Variants in CLVS1 observed in about 807,000 individuals in gnomAD.
The protein encoded by CLVS1 is clavesin-1.
CLVS1 carries 10 observed loss-of-function variants against 33.1 expected under a neutral mutation model. The ratio of observed to expected loss-of-function variants is 0.30; its 90% CI spans 0.19 to 0.51. The LOEUF (loss-of-function observed/expected upper bound fraction) is 0.51, where lower values mean the gene tolerates loss of function less well. Among genes scored for constraint, CLVS1 ranks in the 20% least tolerant of loss-of-function variants. CLVS1 has a pLI of 0.97. For synonymous variants in CLVS1, 163 were observed against 166.1 expected, an observed-to-expected ratio of 0.98 and a Z score of 0.14; for missense variants, 343 against 433.4, an observed-to-expected ratio of 0.79 and a Z score of 1.85.
chr8:61,368,732 G>A (rs1261143093), intron 2 of CLVS1, among the ~76,000 whole-genome samples: 2 of 152,162 alleles, frequency 1.3e-5, no homozygotes, highest in Non-Finnish European at 2.9e-5. Context: ...AACTCCACCT[G>A]TGTGTTATCA....
chr8:61,313,368 A>G (rs547326823), intron 2 of CLVS1, among the ~76,000 whole-genome samples: 1 of 152,302 alleles, frequency 6.6e-6, no homozygotes, highest in South Asian at 2.1e-4. Context: ...GGACCCACAT[A>G]GTGACAGTTG....
At chr8:61,194,843 T>A (rs1187972275) in intron 2 of CLVS1, among the ~76,000 whole-genome samples, 1 of 151,850 alleles carries the variant, frequency 6.6e-6, no homozygotes, top group Non-Finnish European at 1.5e-5. Context: ...AATTTATAAA[T>A]TTCAAATACT....
chr8:61,246,814 AT>A (rs1808820616), intron 2 of CLVS1, among the ~76,000 whole-genome samples: 2 of 151,996 alleles, frequency 1.3e-5, no homozygotes, highest in South Asian at 2.1e-4. Flanking sequence ...TTTTAAAAAA[AT>A]TTATTTTAGG....
chr8:61,371,110 C>G (rs916431830), intron 2 of CLVS1, among the ~76,000 whole-genome samples: 1 of 152,156 alleles, frequency 6.6e-6, no homozygotes, highest in African/African-American at 2.4e-5. Flanking sequence ...TACATTCCCA[C>G]CAGCAGTGTA....
intron 2 of CLVS1, among the ~76,000 whole-genome samples, chr8:61,194,959 C>A (rs898317218): frequency 6.6e-6 from 1 of 151,720 alleles, no homozygotes; most frequent in African/African-American, 2.4e-5. Context: ...TTAAAATACA[C>A]TTCAACTGAC....
chr8:61,306,059 T>C (rs561031748), intron 2 of CLVS1, among the ~76,000 whole-genome samples: 50 of 152,298 alleles, frequency 3.3e-4, no homozygotes, highest in African/African-American at 1.2e-3. Flanking sequence ...TATCCAGTAA[T>C]AGGATTACTG....
At chr8:61,082,901 G>A (rs540338278) in intron 1 of CLVS1, among the ~76,000 whole-genome samples, 7 of 152,036 alleles carry the variant, frequency 4.6e-5, no homozygotes, top group Non-Finnish European at 7.4e-5. Context: ...GTCTGGCATG[G>A]TTGCACATGC....
At chr8:61,405,190 T>C (rs1814938995) in intron 3 of CLVS1, among the ~76,000 whole-genome samples, 1 of 152,160 alleles carries the variant, frequency 6.6e-6, no homozygotes, top group Admixed American at 6.5e-5. Flanking sequence ...ATTGATAGAG[T>C]CGTATGTCCA....
the CLVS1 span, among the ~76,000 whole-genome samples, chr8:61,023,811 T>C: frequency 6.6e-6 from 1 of 152,072 alleles, no homozygotes; most frequent in East Asian, 1.9e-4. Context: ...GACAGAGCTC[T>C]CAGCCGCTGT....
At chr8:61,221,351 A>G (rs549227883) in intron 2 of CLVS1, among the ~76,000 whole-genome samples, 1 of 152,292 alleles carries the variant, frequency 6.6e-6, no homozygotes, top group African/African-American at 2.4e-5. Context: ...ATTTTGAGAT[A>G]TATTCCATCA....
At chr8:61,407,209 C>A (rs16927288) in intron 3 of CLVS1, among the ~76,000 whole-genome samples, 2,714 of 152,232 alleles carry the variant, frequency 0.018, 83 homozygotes, top group African/African-American at 0.061. Context: ...ATACTCAGCA[C>A]CATGGCTAGA....
At chr8:61,134,850 G>T (rs150252831) in intron 2 of CLVS1, among the ~76,000 whole-genome samples, 1 of 152,024 alleles carries the variant, frequency 6.6e-6, no homozygotes, top group East Asian at 1.9e-4. Flanking sequence ...AACACAACTC[G>T]ATTACAAGTT....
intron 1 of CLVS1, among the ~76,000 whole-genome samples, chr8:61,294,882 G>A (rs1238706259): frequency 6.6e-6 from 1 of 152,152 alleles, no homozygotes; most frequent in Non-Finnish European, 1.5e-5. Flanking sequence ...GGAATACAGT[G>A]TATGTTTGTA....
chr8:61,381,223 C>A (rs1284342549), intron 3 of CLVS1, among the ~76,000 whole-genome samples: 1 of 151,766 alleles, frequency 6.6e-6, no homozygotes, highest in African/African-American at 2.4e-5. Flanking sequence ...CTTCTTCCAA[C>A]AGTTTTGAGC....
chr8:61,464,641 G>A (rs1221325385), intron 5 of CLVS1: 1 of 152,202 alleles, frequency 6.6e-6, no homozygotes, highest in African/African-American at 2.4e-5. Flanking sequence ...GGGTTTGGAG[G>A]AGTATTGCAT....
intron 3 of CLVS1, among the ~76,000 whole-genome samples, chr8:61,451,812 C>CACACAGAGAGAG (rs375319471): frequency 1.2e-4 from 17 of 142,936 alleles, no homozygotes; most frequent in African/African-American, 4.4e-4. Context: ...CACACACACA[C>CACACAGAGAGAG]AGAGAGAGAG....
At chr8:61,301,086 T>C (rs979640874) in intron 2 of CLVS1, 4 of 152,264 alleles carry the variant, frequency 2.6e-5, no homozygotes, top group Admixed American at 6.5e-5. Flanking sequence ...GGTTACACCG[T>C]AGCCAGGGTG....
At chr8:61,486,825 T>G (rs1803903690) in intron 5 of CLVS1, among the ~76,000 whole-genome samples, 1 of 152,186 alleles carries the variant, frequency 6.6e-6, no homozygotes, top group Non-Finnish European at 1.5e-5. Flanking sequence ...TGTTTGCCTA[T>G]GTGTTCATTG....
the CLVS1 span, among the ~76,000 whole-genome samples, chr8:60,994,818 T>C: frequency 6.6e-6 from 1 of 152,126 alleles, no homozygotes; most frequent in Non-Finnish European, 1.5e-5. Context: ...AACAGAGATA[T>C]AGATCAATGG....
Sources: gnomAD v4.1 joint callset for allele counts (sites outside exome capture counted in the v4.1 genomes callset) on GRCh38, gnomAD v4.1.1 for gene constraint, MANE v1.5 for transcripts, NCBI Gene and HGNC (gene_info 2026-07-23, HGNC 2026-07-21) for gene names.